CFAP61: variants seen among roughly 807,000 people sequenced by gnomAD.
The protein encoded by CFAP61 is cilia- and flagella-associated protein 61.
In CFAP61, 107 loss-of-function variants were observed where a neutral mutation model predicts 135.6. The observed-to-expected ratio is 0.79, with a 90% CI of 0.67 to 0.93. The LOEUF is 0.93. Ranked by LOEUF, CFAP61 falls within the 40% of genes least tolerant of loss-of-function variation. The pLI is 0.00. For synonymous variants in CFAP61, 575 were observed against 578.5 expected (o/e 0.99, Z 0.09); for missense variants, 1,507 against 1,556.2 (o/e 0.97, Z 0.53).
In CFAP61 at chr20:20,069,683, T is replaced by C. The variant is rs561976662; in HGVS notation, c.144-1171T>C. ...CCAAAGTGTTGACAGTGGTTGGTTATCAATGGAAGGTGGGATTAAAAGTGA... is the reference window on the plus strand; with the variant it reads ...CCAAAGTGTTGACAGTGGTTGGTTACCAATGGAAGGTGGGATTAAAAGTGA... On this transcript the variant is annotated intron_variant, in intron 2 of 26. Transcript: ENST00000245957. 31 of 451,244 alleles carry C rather than the reference T, an allele frequency of 6.9e-5. No individual in the cohort carries two copies. In the Admixed American group the frequency reaches 7.1e-4, roughly 10 times the overall value. 28.0% of individuals were successfully genotyped at this position (451,244 alleles called of 1,614,324 possible). A position where few individuals can be genotyped will look rare whatever the true frequency, so the allele number is the denominator to read the frequency against.
chr20:20,089,468 G>A lies in CFAP61; in HGVS notation c.567-1376G>A, dbSNP rs140690027. 6.1e-3 allele frequency among the ~76,000 whole-genome samples: 929 copies of A among 151,822 alleles called. 8 individuals carry two copies. Among genetic ancestry groups the A allele is most frequent in the African/African-American group, 0.021 (886 of 41,366 alleles). On this transcript the variant is annotated intron_variant, in intron 6 of 26. Coordinates refer to ENST00000245957, the MANE Select transcript of CFAP61 (RefSeq NM_015585.4). ...GAGAACATACTAGAAGATAAAATGGGATGATGAAGATGGTAGCATAGTAAA... is the reference window on the plus strand; with the variant it reads ...GAGAACATACTAGAAGATAAAATGGAATGATGAAGATGGTAGCATAGTAAA...
chr20:20,303,985 G>A (rs1156531197), intron 25 of CFAP61, among the ~76,000 whole-genome samples: 2 of 152,144 alleles, frequency 1.3e-5, no homozygotes, highest in Non-Finnish European at 2.9e-5. Flanking sequence ...GGGAACGGTG[G>A]CAGCCCTGCG....
intron 25 of CFAP61, among the ~76,000 whole-genome samples, chr20:20,314,450 T>C (rs994619954): frequency 2.5e-4 from 38 of 150,382 alleles, no homozygotes; most frequent in African/African-American, 8.8e-4. Flanking sequence ...CCATAAACCA[T>C]AGCAGTGGGG....
At chr20:20,314,686 A>AC (rs1471543969) in intron 25 of CFAP61, among the ~76,000 whole-genome samples, 6 of 47,902 alleles carry the variant, frequency 1.3e-4, no homozygotes, top group East Asian at 7.0e-4. Context: ...TCCCTCCCCC[A>AC]CCCCCCCACC....
chr20:20,154,300 C>T (rs185608075), intron 9 of CFAP61, among the ~76,000 whole-genome samples: 58 of 152,144 alleles, frequency 3.8e-4, no homozygotes, highest in South Asian at 1.7e-3. Flanking sequence ...TGGAACAAGA[C>T]GAGGATGCAC....
chr20:20,179,321 C>T (rs1328676944), intron 13 of CFAP61, among the ~76,000 whole-genome samples: 1 of 152,102 alleles, frequency 6.6e-6, no homozygotes, highest in East Asian at 1.9e-4. Flanking sequence ...TACACCTAAC[C>T]AGTGAGAGAT....
chr20:20,134,121 T>TA (rs1394108449), intron 8 of CFAP61, among the ~76,000 whole-genome samples: 2 of 152,134 alleles, frequency 1.3e-5, no homozygotes, highest in Non-Finnish European at 2.9e-5. Context: ...TCTTGAAGGA[T>TA]AAAAGAGTGT....
At chr20:20,133,020 T>C (rs1238672356) in intron 8 of CFAP61, among the ~76,000 whole-genome samples, 1 of 152,218 alleles carries the variant, frequency 6.6e-6, no homozygotes, top group Admixed American at 6.5e-5. Flanking sequence ...ATCTACCATC[T>C]TACTTTCTAC....
Position 20,298,191 on chromosome 20 carries a change from T to C in CFAP61, c.3227T>C (p.Leu1076Pro). The part of the protein sequence containing the change: ...QMAQPNYGLE[L>P]VTGSAKNGTY... ...ACATCCCTCCTCCAGGGTTTAGAAC[T>C]AGTAACCGGCAGTGCGAAAAATGGG... The change falls in exon 25 of 27, where the codon CTA (leucine) becomes CCA (proline). Residue 1076 changes from leucine (L) to proline (P), a missense_variant. Physicochemically the swap from Leu to Pro is moderately conservative, Grantham distance 98. Transcript: ENST00000245957. The C allele has an allele frequency of 6.2e-7, 1 of 1,613,026 alleles. No individual in the cohort carries two copies. Among genetic ancestry groups the C allele is most frequent in the Non-Finnish European group, 8.5e-7 (1 of 1,178,964 alleles).
At chr20:20,074,429 A>T in intron 4 of CFAP61, 51 bp downstream of exon 4, 2 of 1,467,760 alleles carry the variant, frequency 1.4e-6, no homozygotes, top group East Asian at 4.5e-5. Context: ...CTGTGTGGAT[A>T]GTTTTGAAAT....
At chr20:20,293,502 A>C (rs2055159773) in intron 24 of CFAP61, among the ~76,000 whole-genome samples, 1 of 152,202 alleles carries the variant, frequency 6.6e-6, no homozygotes, top group African/African-American at 2.4e-5. Flanking sequence ...GATTAAGTGA[A>C]ATCGTTGCCA....
chr20:20,183,059 A>T (rs1444452204), intron 13 of CFAP61, among the ~76,000 whole-genome samples: 1 of 152,224 alleles, frequency 6.6e-6, no homozygotes, highest in African/African-American at 2.4e-5. Flanking sequence ...CCCAGTGTGG[A>T]AGGAATAGTA....
At chr20:20,283,308 T>C (rs2054335970) in intron 22 of CFAP61, among the ~76,000 whole-genome samples, 1 of 152,212 alleles carries the variant, frequency 6.6e-6, no homozygotes, top group Non-Finnish European at 1.5e-5. Context: ...CCTCTTTATC[T>C]CTGATATTTA....
At chr20:20,335,078 C>A (rs1046245029) in intron 25 of CFAP61, among the ~76,000 whole-genome samples, 2 of 152,170 alleles carry the variant, frequency 1.3e-5, no homozygotes, top group South Asian at 4.1e-4. Context: ...CTGTTCTCTG[C>A]AGTTAAGCCA....
chr20:20,177,924 T>C (rs1488504128), intron 13 of CFAP61, among the ~76,000 whole-genome samples: 2 of 152,066 alleles, frequency 1.3e-5, no homozygotes, highest in Non-Finnish European at 2.9e-5. Flanking sequence ...ACCTACTCTT[T>C]AAAAATGTAT....
At chr20:20,276,826 A>G (rs867586634) in intron 21 of CFAP61, among the ~76,000 whole-genome samples, 12 of 152,250 alleles carry the variant, frequency 7.9e-5, no homozygotes, top group Admixed American at 3.3e-4. Flanking sequence ...CATTGCCAAC[A>G]TTAGTAATTT....
intron 8 of CFAP61, among the ~76,000 whole-genome samples, chr20:20,111,756 A>T (rs1410379997): frequency 6.6e-6 from 1 of 152,200 alleles, no homozygotes; most frequent in Admixed American, 6.5e-5. Flanking sequence ...GTTGTAAGTT[A>T]TAGATAGCTC....
chr20:20,104,908 A>G (rs893929187), intron 8 of CFAP61, among the ~76,000 whole-genome samples: 11 of 152,160 alleles, frequency 7.2e-5, no homozygotes, highest in Non-Finnish European at 1.5e-4. Flanking sequence ...ACCAGTCACA[A>G]TGCATTAGGG....
At chr20:20,068,467 TGGGACA>T (rs909562743) in intron 2 of CFAP61, among the ~76,000 whole-genome samples, 3 of 152,294 alleles carry the variant, frequency 2.0e-5, no homozygotes, top group Admixed American at 6.5e-5. Flanking sequence ...TCTAGGAACC[TGGGACA>T]GTCTACTCCC....
Sources: gnomAD v4.1 joint callset for allele counts (sites outside exome capture counted in the v4.1 genomes callset) on GRCh38, gnomAD v4.1.1 for gene constraint, MANE v1.5 for transcripts, NCBI Gene and HGNC (gene_info 2026-07-23, HGNC 2026-07-21) for gene names.